ELMO1: variants seen among roughly 807,000 people sequenced by gnomAD.
ELMO1 encodes engulfment and cell motility 1.
Under a neutral mutation model 98.9 loss-of-function variants are expected in ELMO1, and 26 were observed. The observed-to-expected ratio is 0.26, with a 90% CI of 0.19 to 0.36. The LOEUF is 0.36. ELMO1 is among the 10% of genes least tolerant of loss of function. The probability of loss-of-function intolerance (pLI) is 1.00; values close to 1 mark genes in which losing one functional copy is unlikely to be tolerated. For missense variants in ELMO1, 627 were observed against 935.2 expected, an observed-to-expected ratio of 0.67 and a Z score of 4.30; for synonymous variants, 346 against 346.0, an observed-to-expected ratio of 1.00 and a Z score of 0.00.
At chr7:37,335,294 G>C (rs1467456366) in intron 2 of ELMO1, among the ~76,000 whole-genome samples, 1 of 152,132 alleles carries the variant, frequency 6.6e-6, no homozygotes, top group Non-Finnish European at 1.5e-5. Context: ...TAGAGAGCTG[G>C]GAGAAGGCAG....
At chr7:37,119,006 T>C (rs1275715088) in intron 14 of ELMO1, among the ~76,000 whole-genome samples, 4 of 152,210 alleles carry the variant, frequency 2.6e-5, no homozygotes, top group Non-Finnish European at 5.9e-5. Flanking sequence ...CTACCTTAGC[T>C]GTGTGACTTT....
At chr7:37,193,327 G>A (rs1421467662) in intron 13 of ELMO1, among the ~76,000 whole-genome samples, 1 of 152,000 alleles carries the variant, frequency 6.6e-6, no homozygotes, top group Non-Finnish European at 1.5e-5. Flanking sequence ...TCCAACCAAG[G>A]CCCCCTGGCT....
intron 15 of ELMO1, among the ~76,000 whole-genome samples, chr7:37,040,635 C>A (rs372544541): frequency 4.6e-5 from 7 of 152,138 alleles, no homozygotes; most frequent in Admixed American, 3.3e-4. Flanking sequence ...ATATGTTTCA[C>A]GCACAATGTT....
chr7:37,128,485 C>A (rs1014394412), intron 14 of ELMO1, among the ~76,000 whole-genome samples: 17 of 152,174 alleles, frequency 1.1e-4, no homozygotes, highest in Non-Finnish European at 2.1e-4. Flanking sequence ...GATTTTACTC[C>A]ATGCACAGTA....
intron 2 of ELMO1, among the ~76,000 whole-genome samples, chr7:37,316,248 A>G (rs1406752022): frequency 6.6e-6 from 1 of 152,216 alleles, no homozygotes; most frequent in Non-Finnish European, 1.5e-5. Flanking sequence ...ATTAGGGTGA[A>G]AATATAACTT....
intron 16 of ELMO1, among the ~76,000 whole-genome samples, chr7:36,927,986 C>T (rs1785716685): frequency 6.6e-6 from 1 of 152,184 alleles, no homozygotes; most frequent in Admixed American, 6.5e-5. Flanking sequence ...GCCAGTCAAT[C>T]TCTGATTGTT....
intron 13 of ELMO1, among the ~76,000 whole-genome samples, chr7:37,205,897 T>C (rs1792587916): frequency 6.6e-6 from 1 of 152,200 alleles, no homozygotes; most frequent in East Asian, 1.9e-4. Flanking sequence ...CCTTTGAATT[T>C]AAAATTCTTC....
At chr7:37,124,494 GACAA>G (rs1242585978) in intron 14 of ELMO1, among the ~76,000 whole-genome samples, 8 of 152,176 alleles carry the variant, frequency 5.3e-5, no homozygotes, top group East Asian at 1.9e-4. Context: ...ACCAATAACA[GACAA>G]ACAGAGAGCT....
At chr7:36,866,920 C>G (rs1803074477) in intron 20 of ELMO1, among the ~76,000 whole-genome samples, 1 of 152,128 alleles carries the variant, frequency 6.6e-6, no homozygotes, top group Non-Finnish European at 1.5e-5. Context: ...GGGGGTTCAG[C>G]AGGTAAAATC....
intron 4 of ELMO1, among the ~76,000 whole-genome samples, chr7:37,308,039 G>T (rs1279196705): frequency 6.6e-6 from 1 of 152,148 alleles, no homozygotes; most frequent in Non-Finnish European, 1.5e-5. Flanking sequence ...CTTGAGCCTG[G>T]GAGATGGAGG....
intron 14 of ELMO1, among the ~76,000 whole-genome samples, chr7:37,098,605 A>T (rs1199003327): frequency 6.6e-6 from 1 of 152,192 alleles, no homozygotes; most frequent in East Asian, 1.9e-4. Flanking sequence ...TCCCCAAAAC[A>T]TATGCACTCA....
intron 1 of ELMO1, among the ~76,000 whole-genome samples, chr7:37,413,941 G>A (rs1405741253): frequency 6.6e-6 from 1 of 152,140 alleles, no homozygotes; most frequent in Non-Finnish European, 1.5e-5. Context: ...CCCTCCCAGA[G>A]TGCTGGGATT....
intron 4 of ELMO1, among the ~76,000 whole-genome samples, chr7:37,295,873 T>C (rs1798003565): frequency 6.6e-6 from 1 of 152,258 alleles, no homozygotes; most frequent in African/African-American, 2.4e-5. Flanking sequence ...TCTGATATTA[T>C]AGGTGATCAT....
intron 2 of ELMO1, among the ~76,000 whole-genome samples, chr7:37,321,735 A>AAAAAAAAAAAAAC (rs1799516170): frequency 7.1e-6 from 1 of 140,754 alleles, no homozygotes; most frequent in Non-Finnish European, 1.6e-5. Flanking sequence ...AAAAAAAAAA[A>AAAAAAAAAAAAAC]AAACACAGAA....
rs563400485 is a variant in ELMO1 at position 37,165,859 on chromosome 7, G to C, written c.1087-32625C>G. ...GGATGATGCTGGCCTCATAAAATGA[G>C]TTAGGGAGGATTCCCTCTTTTTATA... On this transcript the variant is annotated intron_variant, in intron 13 of 21. Coordinates refer to ENST00000310758, the MANE Select transcript of ELMO1 (RefSeq NM_014800.11). 6.7e-3 allele frequency among the ~76,000 whole-genome samples: 1,020 copies of C among 152,302 alleles called. 8 individuals are homozygous for C. Among genetic ancestry groups the C allele is most frequent in the Non-Finnish European group, 0.01 (698 of 68,030 alleles).
intron 15 of ELMO1, among the ~76,000 whole-genome samples, chr7:37,089,007 A>G (rs1425646421): frequency 1.3e-5 from 2 of 152,234 alleles, no homozygotes. Context: ...AGAAAAAAAA[A>G]GGTCCTTAAG....
chr7:37,159,828 T>C (rs533958006), intron 13 of ELMO1, among the ~76,000 whole-genome samples: 1 of 152,352 alleles, frequency 6.6e-6, no homozygotes, highest in South Asian at 2.1e-4. Flanking sequence ...ATTTTATTAA[T>C]AGTCACAACA....
intron 14 of ELMO1, among the ~76,000 whole-genome samples, chr7:37,122,886 T>TA (rs779348000): frequency 4.6e-5 from 7 of 152,092 alleles, no homozygotes; most frequent in Non-Finnish European, 8.8e-5. Flanking sequence ...TAGTTAGAAG[T>TA]AAAGCACTCC....
chr7:37,304,756 C>T (rs1798521490), intron 4 of ELMO1, among the ~76,000 whole-genome samples: 8 of 152,080 alleles, frequency 5.3e-5, no homozygotes, highest in Admixed American at 5.2e-4. Context: ...ACTCTTGGTT[C>T]ACGATTTCTG....
Sources: gnomAD v4.1 joint callset for allele counts (sites outside exome capture counted in the v4.1 genomes callset) on GRCh38, gnomAD v4.1.1 for gene constraint, MANE v1.5 for transcripts, NCBI Gene and HGNC (gene_info 2026-07-23, HGNC 2026-07-21) for gene names.